Variants in ATP10B observed in about 807,000 individuals in gnomAD.
ATP10B encodes phospholipid-transporting ATPase VB.
ATP10B carries 122 observed loss-of-function variants against 141.2 expected under a neutral mutation model. The ratio of observed to expected loss-of-function variants is 0.86; its 90% CI spans 0.75 to 1.00. ATP10B has a LOEUF of 1.00. ATP10B is among the 50% of genes least tolerant of loss of function. The pLI is 0.00. For missense variants in ATP10B, 1,876 were observed against 1,825.3 expected, an observed-to-expected ratio of 1.03 and a Z score of -0.51; for synonymous variants, 685 against 692.0, an observed-to-expected ratio of 0.99 and a Z score of 0.16.
intron 8 of ATP10B, among the ~76,000 whole-genome samples, chr5:160,644,568 G>A (rs918759843): frequency 6.6e-6 from 1 of 152,120 alleles, no homozygotes. Flanking sequence ...TTTTTATGCA[G>A]GTTGCAGCAA....
At chr5:160,598,196 A>T (rs1294212158) in intron 22 of ATP10B, among the ~76,000 whole-genome samples, 3 of 152,000 alleles carry the variant, frequency 2.0e-5, no homozygotes, top group East Asian at 1.9e-4. Context: ...ACCATGGAAT[A>T]CTATGCAGCC....
the ATP10B span, among the ~76,000 whole-genome samples, chr5:160,890,178 T>C: frequency 1.3e-5 from 2 of 152,218 alleles, no homozygotes; most frequent in Non-Finnish European, 2.9e-5. Flanking sequence ...CCCATCCTAA[T>C]AAGTAATCTA....
intron 5 of ATP10B, chr5:160,686,932 A>G: frequency 1.0e-6 from 1 of 984,974 alleles, no homozygotes; most frequent in Non-Finnish European, 1.2e-6. Context: ...ATGATCTCAT[A>G]CATTATCTCA....
the ATP10B span, among the ~76,000 whole-genome samples, chr5:160,878,556 G>A: frequency 4.0e-5 from 6 of 151,868 alleles, no homozygotes; most frequent in African/African-American, 1.4e-4. Flanking sequence ...AAACTAAAGA[G>A]CTTCTGCACA....
At chr5:160,697,211 C>T (rs904746558) in intron 3 of ATP10B, among the ~76,000 whole-genome samples, 1 of 151,958 alleles carries the variant, frequency 6.6e-6, no homozygotes, top group African/African-American at 2.4e-5. Context: ...GACAAATATG[C>T]CAGAAAACAG....
chr5:160,656,322 G>T (rs1761488287), intron 7 of ATP10B, among the ~76,000 whole-genome samples: 1 of 152,088 alleles, frequency 6.6e-6, no homozygotes, highest in South Asian at 2.1e-4. Context: ...GTGATGCCCT[G>T]CCCATTAAAC....
chr5:160,654,321 A>G (rs939280382), intron 7 of ATP10B, among the ~76,000 whole-genome samples: 4 of 151,928 alleles, frequency 2.6e-5, no homozygotes, highest in Admixed American at 2.6e-4. Context: ...AGACGGTGTA[A>G]TGTCCTCTCA....
At chr5:160,702,896 T>C (rs1419731621) in intron 3 of ATP10B, among the ~76,000 whole-genome samples, 1 of 152,214 alleles carries the variant, frequency 6.6e-6, no homozygotes, top group Non-Finnish European at 1.5e-5. Flanking sequence ...TTAATAGTAG[T>C]TTATGCCACC....
At chr5:160,608,027 C>T (rs905618445) in intron 18 of ATP10B, among the ~76,000 whole-genome samples, 6 of 152,164 alleles carry the variant, frequency 3.9e-5, no homozygotes, top group African/African-American at 1.4e-4. Context: ...TGGCTACACC[C>T]ATTAACTCGT....
At chr5:160,815,688 C>T (rs1280912972) in intron 1 of ATP10B, among the ~76,000 whole-genome samples, 1 of 152,164 alleles carries the variant, frequency 6.6e-6, no homozygotes, top group Non-Finnish European at 1.5e-5. Flanking sequence ...CAGAACTCTC[C>T]ACCCCAAATC....
chr5:160,861,728 G>T, the ATP10B span, among the ~76,000 whole-genome samples: 1 of 151,746 alleles, frequency 6.6e-6, no homozygotes, highest in Non-Finnish European at 1.5e-5. Flanking sequence ...ATAGGATAGT[G>T]GTTCTCATAC....
intron 1 of ATP10B, among the ~76,000 whole-genome samples, chr5:160,797,948 G>GAAA (rs34913318): frequency 2.4e-5 from 3 of 127,548 alleles, no homozygotes; most frequent in South Asian, 2.4e-4. Flanking sequence ...AAGAAAAAAA[G>GAAA]AAAAAAAAAA....
rs185125805 is a variant in ATP10B, at chr5:160,817,186, A to G, written c.-575-31383T>C. ...GGCAGGAGAAGGAAATAAAGGGTATACAATTAGGAAAAGAGGAAGTCAAAT... is the reference window on the plus strand; with the variant it reads ...GGCAGGAGAAGGAAATAAAGGGTATGCAATTAGGAAAAGAGGAAGTCAAAT... On this transcript the variant is annotated intron_variant, in intron 1 of 25. Transcript: ENST00000327245. Among the ~76,000 whole-genome samples, 9 of 152,252 alleles carry G rather than the reference A, an allele frequency of 5.9e-5. No homozygotes were observed. The East Asian group carries it at 1.5e-3, about 26-fold the overall frequency.
chr5:160,773,386 A>G (rs1770049510), intron 2 of ATP10B, among the ~76,000 whole-genome samples: 1 of 152,178 alleles, frequency 6.6e-6, no homozygotes, highest in South Asian at 2.1e-4. Context: ...TACCAGCCAC[A>G]TGCATATTTT....
At chr5:160,912,482 C>T in the ATP10B span, among the ~76,000 whole-genome samples, 25 of 150,488 alleles carry the variant, frequency 1.7e-4, no homozygotes, top group African/African-American at 5.6e-4. Flanking sequence ...ACCTGTAGTC[C>T]CAGCTACTTG....
intron 1 of ATP10B, among the ~76,000 whole-genome samples, chr5:160,850,274 A>G (rs1283553331): frequency 3.3e-5 from 5 of 152,066 alleles, no homozygotes; most frequent in Non-Finnish European, 7.4e-5. Context: ...CAAAACAAAA[A>G]TTAGCCAGGC....
At chr5:160,821,947 C>T (rs1005091475) in intron 1 of ATP10B, among the ~76,000 whole-genome samples, 1 of 152,074 alleles carries the variant, frequency 6.6e-6, no homozygotes, top group Non-Finnish European at 1.5e-5. Flanking sequence ...GGATACTGGA[C>T]TGGGCAAAGG....
intron 2 of ATP10B, among the ~76,000 whole-genome samples, chr5:160,729,185 TA>T (rs35271118): frequency 0.09 from 13,662 of 152,234 alleles, 779 homozygotes; most frequent in Middle Eastern, 0.11. Context: ...ATGGAATGAT[TA>T]AAAACTCTCT....
rs1241983245 is a variant in ATP10B at position 160,565,542 on chromosome 5, T to C, written c.4297A>G (p.Ile1433Val). 1.2e-6 allele frequency: 2 copies of C among 1,613,972 alleles called. No homozygotes were observed. Among genetic ancestry groups the C allele is most frequent in the Non-Finnish European group, 1.7e-6 (2 of 1,179,978 alleles). ...GTCTGTCCTCTTGAGTAGGCCATTATCCTGTTAGGTCCCAGCAGGTGCTCC... is the reference window on the plus strand; with the variant it reads ...GTCTGTCCTCTTGAGTAGGCCATTACCCTGTTAGGTCCCAGCAGGTGCTCC... ...SGEHLLGPNR[I>V]MAYSRGQTDM... Residue 1433 changes from isoleucine to valine, a missense_variant, in exon 26 of 26, where the codon ATA (isoleucine) becomes GTA (valine). Transcript: ENST00000327245.
Sources: gnomAD v4.1 joint callset for allele counts (sites outside exome capture counted in the v4.1 genomes callset) on GRCh38, gnomAD v4.1.1 for gene constraint, MANE v1.5 for transcripts, NCBI Gene and HGNC (gene_info 2026-07-23, HGNC 2026-07-21) for gene names.